The following GRID2 variants were observed in gnomAD, a reference collection of about 807,000 sequenced individuals.
The protein encoded by GRID2 is glutamate receptor ionotropic, delta-2.
A neutral mutation model predicts 114.8 loss-of-function variants in GRID2; 33 were observed. That is an observed-to-expected ratio of 0.29 (90% CI 0.22 to 0.38). The LOEUF (loss-of-function observed/expected upper bound fraction) is 0.38. Among genes scored for constraint, GRID2 ranks in the 10% least tolerant of loss-of-function variants. The pLI, the probability that GRID2 is intolerant of heterozygous loss-of-function variation, is 1.00. For missense variants in GRID2, 1,184 were observed against 1,257.7 expected, an observed-to-expected ratio of 0.94 and a Z score of 0.89; for synonymous variants, 505 against 449.9, an observed-to-expected ratio of 1.12 and a Z score of -1.55.
At chr4:93,572,949 C>T (rs978946263) in intron 13 of GRID2, among the ~76,000 whole-genome samples, 11 of 152,128 alleles carry the variant, frequency 7.2e-5, no homozygotes, top group Middle Eastern at 6.8e-3. Context: ...AATTTAACTG[C>T]GAAATATATA....
intron 2 of GRID2, among the ~76,000 whole-genome samples, chr4:93,069,173 T>G (rs1728583453): frequency 6.6e-6 from 1 of 151,866 alleles, no homozygotes; most frequent in Non-Finnish European, 1.5e-5. Flanking sequence ...CATTCGAGAT[T>G]ACATTTCAAC....
At chr4:92,969,327 T>G (rs1303908758) in intron 2 of GRID2, among the ~76,000 whole-genome samples, 1 of 151,740 alleles carries the variant, frequency 6.6e-6, no homozygotes, top group Non-Finnish European at 1.5e-5. Context: ...TTTGACTGCA[T>G]GTTGTATAAC....
chr4:92,734,417 G>T (rs1224833855), intron 2 of GRID2, among the ~76,000 whole-genome samples: 1 of 151,870 alleles, frequency 6.6e-6, no homozygotes, highest in East Asian at 1.9e-4. Flanking sequence ...GAGAATCTGA[G>T]ACTACAGGTG....
At chr4:92,551,254 C>G (rs866530001) in intron 1 of GRID2, among the ~76,000 whole-genome samples, 11 of 146,872 alleles carry the variant, frequency 7.5e-5, no homozygotes, top group African/African-American at 5.0e-5. Context: ...ACATCTACAC[C>G]TGTGTGTGTG....
chr4:92,528,810 G>C (rs570623311), intron 1 of GRID2, among the ~76,000 whole-genome samples: 29 of 66,642 alleles, frequency 4.4e-4, no homozygotes, highest in African/African-American at 1.7e-3. Flanking sequence ...CTAAATCCAA[G>C]AACATCCTGT....
intron 8 of GRID2, among the ~76,000 whole-genome samples, chr4:93,301,588 A>G (rs946098022): frequency 6.6e-6 from 1 of 152,198 alleles, no homozygotes; most frequent in Admixed American, 6.5e-5. Context: ...GATCATCATC[A>G]TATTAGGCTT....
At chr4:92,500,835 G>C (rs1723647606) in intron 1 of GRID2, among the ~76,000 whole-genome samples, 1 of 152,084 alleles carries the variant, frequency 6.6e-6, no homozygotes, top group African/African-American at 2.4e-5. Flanking sequence ...AAAACCACTA[G>C]GTCTTTTGGG....
intron 2 of GRID2, among the ~76,000 whole-genome samples, chr4:92,775,928 T>C (rs975086972): frequency 5.9e-5 from 9 of 152,282 alleles, no homozygotes; most frequent in African/African-American, 2.2e-4. Flanking sequence ...ATACAGTTAA[T>C]GCATACACTA....
At chr4:92,760,347 T>C (rs1034337378) in intron 2 of GRID2, among the ~76,000 whole-genome samples, 17 of 152,040 alleles carry the variant, frequency 1.1e-4, no homozygotes, top group African/African-American at 4.1e-4. Flanking sequence ...AAGGATTCCT[T>C]CCTCTGGCTG....
chr4:92,650,925 C>T (rs908743088), intron 2 of GRID2, among the ~76,000 whole-genome samples: 2 of 151,962 alleles, frequency 1.3e-5, no homozygotes, highest in Non-Finnish European at 2.9e-5. Context: ...GGAATTGGAA[C>T]TTGAGTCTTA....
chr4:93,543,710 TAG>T (rs34742442), intron 13 of GRID2, among the ~76,000 whole-genome samples: 25,294 of 133,342 alleles, frequency 0.19, 2,409 homozygotes, highest in Middle Eastern at 0.27. Context: ...GAGTGAGAGA[TAG>T]AGAGAGAGAG....
intron 14 of GRID2, among the ~76,000 whole-genome samples, chr4:93,681,820 A>G (rs1725575609): frequency 6.6e-6 from 1 of 152,168 alleles, no homozygotes; most frequent in Non-Finnish European, 1.5e-5. Context: ...CTAAAACCAT[A>G]AAAACCCTAG....
chr4:93,653,679 G>T (rs1419127015), intron 14 of GRID2, among the ~76,000 whole-genome samples: 2 of 152,226 alleles, frequency 1.3e-5, no homozygotes, highest in Non-Finnish European at 2.9e-5. Context: ...GGAAAGAAAA[G>T]AGATTTTTAC....
At chr4:93,220,115 A>G (rs1039773812) in intron 6 of GRID2, among the ~76,000 whole-genome samples, 1 of 152,142 alleles carries the variant, frequency 6.6e-6, no homozygotes, top group Non-Finnish European at 1.5e-5. Flanking sequence ...CATGGAGTTT[A>G]GCATATTAAA....
intron 8 of GRID2, among the ~76,000 whole-genome samples, chr4:93,320,280 A>G (rs531996732): frequency 6.2e-4 from 95 of 152,246 alleles, no homozygotes; most frequent in Non-Finnish European, 1.1e-3. Flanking sequence ...TAACGGAAAT[A>G]TAAGAAGACA....
At chr4:92,896,707 T>C (rs1286890755) in intron 2 of GRID2, among the ~76,000 whole-genome samples, 2 of 152,162 alleles carry the variant, frequency 1.3e-5, no homozygotes, top group Middle Eastern at 6.3e-3. Context: ...ATGTGGTTCA[T>C]TAGATTGAAT....
At chr4:93,016,619 A>T (rs1722767383) in intron 2 of GRID2, among the ~76,000 whole-genome samples, 1 of 152,166 alleles carries the variant, frequency 6.6e-6, no homozygotes, top group Non-Finnish European at 1.5e-5. Flanking sequence ...AGAGGTGTCC[A>T]AAGAAGGAGC....
chr4:93,068,561 A>G (rs1476600280), intron 2 of GRID2, among the ~76,000 whole-genome samples: 1 of 152,104 alleles, frequency 6.6e-6, no homozygotes, highest in East Asian at 1.9e-4. Context: ...CAATTATACA[A>G]GATTACTGTG....
intron 4 of GRID2, among the ~76,000 whole-genome samples, chr4:93,124,180 G>A (rs1174627064): frequency 1.3e-5 from 2 of 151,644 alleles, no homozygotes; most frequent in South Asian, 2.1e-4. Context: ...GCTGCTTAGA[G>A]AAGACACCAG....
Sources: gnomAD v4.1 joint callset for allele counts (sites outside exome capture counted in the v4.1 genomes callset) on GRCh38, gnomAD v4.1.1 for gene constraint, MANE v1.5 for transcripts, NCBI Gene and HGNC (gene_info 2026-07-23, HGNC 2026-07-21) for gene names.